RABGAP1: variants seen among roughly 807,000 people sequenced by gnomAD.
RABGAP1 encodes RAB GTPase activating protein 1.
A neutral mutation model predicts 137.6 loss-of-function variants in RABGAP1; 23 were observed. That is an observed-to-expected ratio of 0.17 (90% confidence interval 0.12 to 0.24). The LOEUF (loss-of-function observed/expected upper bound fraction) is 0.24, where lower values mean the gene tolerates loss of function less well. Ranked by LOEUF, RABGAP1 falls within the 10% of genes least tolerant of loss-of-function variation. RABGAP1 has a pLI of 1.00. For missense variants in RABGAP1, 906 were observed against 1,275.8 expected (o/e 0.71, Z 4.42); for synonymous variants, 451 against 450.7 (o/e 1.00, Z -0.01).
intron 13 of RABGAP1, among the ~76,000 whole-genome samples, chr9:123,031,348 A>C (rs555067899): frequency 2.6e-5 from 4 of 152,198 alleles, no homozygotes; most frequent in Non-Finnish European, 5.9e-5. Context: ...AATAAAGTCT[A>C]TGGCAAGTGT....
At chr9:122,987,634 A>T (rs1053988763) in intron 4 of RABGAP1, among the ~76,000 whole-genome samples, 1 of 152,178 alleles carries the variant, frequency 6.6e-6, no homozygotes, top group African/African-American at 2.4e-5. Flanking sequence ...TGAATGGGTT[A>T]TAAATAAATA....
chr9:123,042,514 G>C (rs1432983485), intron 13 of RABGAP1, among the ~76,000 whole-genome samples: 1 of 152,182 alleles, frequency 6.6e-6, no homozygotes, highest in African/African-American at 2.4e-5. Context: ...CATTAAAGCA[G>C]GGGAGAACAG....
chr9:123,057,115 C>T (rs1270365604), intron 13 of RABGAP1, among the ~76,000 whole-genome samples: 2 of 148,822 alleles, frequency 1.3e-5, no homozygotes, highest in Non-Finnish European at 3.0e-5. Flanking sequence ...CTGACCCCCC[C>T]ACCTCCCTCC....
At chr9:123,064,098 C>G (rs2034085800) in intron 13 of RABGAP1, among the ~76,000 whole-genome samples, 1 of 152,166 alleles carries the variant, frequency 6.6e-6, no homozygotes, top group Admixed American at 6.5e-5. Context: ...CTCGCTTGCT[C>G]TCCCTCTCTC....
intron 6 of RABGAP1, among the ~76,000 whole-genome samples, chr9:122,991,158 T>C (rs1244694319): frequency 1.4e-4 from 21 of 152,002 alleles, no homozygotes; most frequent in Non-Finnish European, 1.5e-5. Flanking sequence ...AGTGTCCCCA[T>C]TTCCAAGTTT....
At chr9:122,945,787 TAACTTTAACATAATGTTACTAAGTCA>T (rs1833916520) in intron 1 of RABGAP1, among the ~76,000 whole-genome samples, 1 of 152,218 alleles carries the variant, frequency 6.6e-6, no homozygotes, top group African/African-American at 2.4e-5. Flanking sequence ...GTTTCTGTGG[TAACTTTAACATAATGTTACTAAGTCA>T]AACTTTAACA....
At chr9:122,967,544 A>C (rs183626103) in intron 2 of RABGAP1, among the ~76,000 whole-genome samples, 199 of 152,336 alleles carry the variant, frequency 1.3e-3, no homozygotes, top group African/African-American at 4.6e-3. Context: ...TTAAGACAGC[A>C]GTAAATATGC....
At chr9:122,932,165 A>C in the RABGAP1 span, among the ~76,000 whole-genome samples, 2 of 152,124 alleles carry the variant, frequency 1.3e-5, no homozygotes, top group Admixed American at 1.3e-4. Context: ...ATCCTTCTAG[A>C]GTTCTTTTCC....
chr9:123,050,592 G>T (rs1295018374), intron 13 of RABGAP1, among the ~76,000 whole-genome samples: 1 of 152,214 alleles, frequency 6.6e-6, no homozygotes, highest in African/African-American at 2.4e-5. Context: ...TTAAGATGAA[G>T]ATGTTTTTGT....
At chr9:123,045,177 G>A (rs2033151759) in intron 13 of RABGAP1, among the ~76,000 whole-genome samples, 1 of 152,152 alleles carries the variant, frequency 6.6e-6, no homozygotes, top group African/African-American at 2.4e-5. Flanking sequence ...TTACTGAGTT[G>A]AATTGTTAAG....
At chr9:122,952,245 T>A (rs10985838) in intron 1 of RABGAP1, among the ~76,000 whole-genome samples, 31 of 152,076 alleles carry the variant, frequency 2.0e-4, no homozygotes, top group South Asian at 1.0e-3. Context: ...AATTTTTTTT[T>A]AAATTTTTTA....
At chr9:123,084,312 G>A (rs1260757240) in intron 19 of RABGAP1, among the ~76,000 whole-genome samples, 1 of 152,200 alleles carries the variant, frequency 6.6e-6, no homozygotes, top group Non-Finnish European at 1.5e-5. Context: ...ATAGACTTGT[G>A]TCAGATTTCT....
intron 13 of RABGAP1, chr9:123,034,956 C>G (rs1226552693): frequency 6.2e-7 from 1 of 1,613,340 alleles, no homozygotes; most frequent in Non-Finnish European, 8.5e-7. Context: ...GATACATTGC[C>G]ATTACTAAAC....
intron 13 of RABGAP1, among the ~76,000 whole-genome samples, chr9:123,043,969 C>T (rs531125911): frequency 8.1e-5 from 12 of 148,456 alleles, no homozygotes; most frequent in East Asian, 4.0e-4. Context: ...GGCGCGATCT[C>T]GGCTCACTGC....
At position 123,057,860 on chromosome 9, in the gene RABGAP1, C is replaced by T. The variant is rs767707608; in HGVS notation, c.1795-7488C>T. On this transcript the variant is annotated intron_variant, in intron 13 of 25. Transcript: ENST00000373647. The stretch of plus-strand genomic sequence containing the variant: ...GCGGCCAGGAGCTGGAGACCAGCCC[C>T]GCCAACACAGCAAAACCCCGTCTCC... 2.0e-4 allele frequency among the ~76,000 whole-genome samples: 30 copies of T among 152,292 alleles called. No homozygotes were observed. The Middle Eastern group carries it at 0.01, about 52-fold the overall frequency.
chr9:123,011,027 A>T (rs1404233362), intron 11 of RABGAP1, among the ~76,000 whole-genome samples: 2 of 151,634 alleles, frequency 1.3e-5, no homozygotes, highest in Non-Finnish European at 2.9e-5. Context: ...TTTCTGGCTA[A>T]ATCTATTGAA....
chr9:122,999,941 T>C lies in RABGAP1; in HGVS notation c.1374+1175T>C, dbSNP rs1207706136. 2.0e-5 allele frequency among the ~76,000 whole-genome samples: 3 copies of C among 152,062 alleles called. No individual in the cohort carries two copies. The East Asian group carries it at 5.8e-4, about 29-fold the overall frequency. On this transcript the variant is annotated intron_variant, in intron 10 of 25. Coordinates refer to ENST00000373647, the MANE Select transcript of RABGAP1 (RefSeq NM_012197.4). ...TTCACTGATTTTTATCAACTTTTAA[T>C]CTGTTAGAGTCATTCAATGAATTTT...
chr9:123,078,881 C>T (rs184355827), intron 19 of RABGAP1, among the ~76,000 whole-genome samples: 1 of 152,310 alleles, frequency 6.6e-6, no homozygotes, highest in Admixed American at 6.5e-5. Context: ...CACAGTGGCT[C>T]CCTCCCTGGC....
chr9:122,996,229 TA>T, intron 7 of RABGAP1, 78 bp downstream of exon 7: 1 of 1,485,152 alleles, frequency 6.7e-7, no homozygotes. Flanking sequence ...TACACTGTAT[TA>T]AAAAATGTAT....
Sources: gnomAD v4.1 joint callset for allele counts (sites outside exome capture counted in the v4.1 genomes callset) on GRCh38, gnomAD v4.1.1 for gene constraint, MANE v1.5 for transcripts, NCBI Gene and HGNC (gene_info 2026-07-23, HGNC 2026-07-21) for gene names.